The following ME2 variants were observed in gnomAD, a reference collection of about 807,000 sequenced individuals.
ME2 encodes the protein malic enzyme 2.
In ME2, 60 loss-of-function variants were observed where a neutral mutation model predicts 73.7. The ratio of observed to expected loss-of-function variants is 0.81; its 90% confidence interval spans 0.66 to 1.01. The LOEUF is 1.01. Ranked by LOEUF, ME2 falls within the 50% of genes least tolerant of loss-of-function variation. The pLI is 0.00. For missense variants in ME2, 594 were observed against 705.5 expected, an observed-to-expected ratio of 0.84 and a Z score of 1.79; for synonymous variants, 199 against 236.9, an observed-to-expected ratio of 0.84 and a Z score of 1.47.
At chr18:50,886,003 A>C (rs1009071619) in intron 1 of ME2, among the ~76,000 whole-genome samples, 6 of 152,174 alleles carry the variant, frequency 3.9e-5, no homozygotes, top group Admixed American at 6.5e-5. Flanking sequence ...AGTTTGCTCA[A>C]AGCAGGCTCT....
Position 50,936,049 on chromosome 18 carries a change from T to C in ME2, c.1418-3521T>C, listed in dbSNP as rs934226583. On this transcript the variant is annotated intron_variant, in intron 13 of 15. Transcript: ENST00000321341. Reference sequence around the variant, plus strand: ...CTCACAGAAACCCATGTGGGATGCATAAAAAGAAATCTACATCTAGGAACA... The same window carrying C: ...CTCACAGAAACCCATGTGGGATGCACAAAAAGAAATCTACATCTAGGAACA... Among the ~76,000 whole-genome samples, 289 of 151,786 alleles carry C rather than the reference T, an allele frequency of 1.9e-3. 2 individuals are homozygous for C. Among genetic ancestry groups the C allele is most frequent in the Non-Finnish European group, 3.4e-4 (23 of 67,928 alleles).
intron 1 of ME2, among the ~76,000 whole-genome samples, chr18:50,882,324 G>A (rs1268276047): frequency 6.6e-6 from 1 of 152,142 alleles, no homozygotes; most frequent in East Asian, 1.9e-4. Context: ...TCCAGAACTT[G>A]CCCTTTGACC....
intron 1 of ME2, among the ~76,000 whole-genome samples, chr18:50,880,453 A>G (rs1314052319): frequency 6.6e-6 from 1 of 152,184 alleles, no homozygotes; most frequent in East Asian, 1.9e-4. Flanking sequence ...CAATTTACAA[A>G]TACTCTGTAA....
chr18:50,924,248 C>A, intron 11 of ME2, 36 bp downstream of exon 11: 1 of 1,375,154 alleles, frequency 7.3e-7, no homozygotes, highest in Non-Finnish European at 1.0e-6. Flanking sequence ...ATTTTACTCC[C>A]TAACTGTATG....
chr18:50,939,454 T>TG, intron 13 of ME2, 116 bp from the exon 14 acceptor site: 1 of 607,572 alleles, frequency 1.6e-6, no homozygotes, highest in Non-Finnish European at 3.0e-6. Flanking sequence ...GTTTTCTGTT[T>TG]GGGGGGAGCT....
intron 12 of ME2, among the ~76,000 whole-genome samples, chr18:50,931,249 T>C (rs1053653174): frequency 6.6e-6 from 1 of 152,254 alleles, no homozygotes; most frequent in Non-Finnish European, 1.5e-5. Context: ...TAACAAGGCA[T>C]CAGGCCATTT....
At chr18:50,941,349 G>GTTTTTTTT (rs1568176416) in intron 15 of ME2, among the ~76,000 whole-genome samples, 5 of 105,308 alleles carry the variant, frequency 4.7e-5, no homozygotes, top group African/African-American at 8.8e-5. Context: ...ATTTGTGATG[G>GTTTTTTTT]TTTCTTTTTT....
chr18:50,932,313 G>C lies in ME2; in HGVS notation c.1370G>C (p.Gly457Ala), dbSNP rs1917712564. ...SPFGPVKLTD[G>A]RVFTPGQGNN... Reference sequence around the variant, plus strand: ...TTTGGGCCAGTGAAACTTACAGATGGGCGAGTCTTTACACCAGGTCAAGGA... The same window carrying C: ...TTTGGGCCAGTGAAACTTACAGATGCGCGAGTCTTTACACCAGGTCAAGGA... Residue 457 changes from glycine to alanine, a missense_variant, in exon 13 of 16, where the codon GGG becomes GCG. Gly to Ala is a moderately conservative substitution (Grantham distance 60, BLOSUM62 0). Transcript: ENST00000321341. 2.5e-6 allele frequency: 4 copies of C among 1,612,918 alleles called. No individual in the cohort carries two copies. The highest frequency in any genetic ancestry group is 3.4e-6 in the Non-Finnish European group (4 of 1,179,384).
chr18:50,928,269 GA>G (rs1331768713), intron 12 of ME2, among the ~76,000 whole-genome samples: 1 of 139,114 alleles, frequency 7.2e-6, no homozygotes, highest in Admixed American at 7.3e-5. Context: ...TTTTTGAGAT[GA>G]AGCGTCACTG....
intron 3 of ME2, among the ~76,000 whole-genome samples, chr18:50,910,397 C>T (rs1004151333): frequency 1.3e-5 from 2 of 148,834 alleles, no homozygotes; most frequent in Non-Finnish European, 3.0e-5. Context: ...CATGATTGCA[C>T]CACTGCACTC....
At chr18:50,885,707 A>T (rs187045736) in intron 1 of ME2, among the ~76,000 whole-genome samples, 1 of 152,184 alleles carries the variant, frequency 6.6e-6, no homozygotes, top group African/African-American at 2.4e-5. Flanking sequence ...GCTATAATTA[A>T]CATTATTATT....
chr18:50,904,742 G>A (rs1057452773), intron 2 of ME2, among the ~76,000 whole-genome samples: 3 of 151,998 alleles, frequency 2.0e-5, no homozygotes, highest in African/African-American at 7.2e-5. Context: ...AGAGAAGTAT[G>A]GTAATGCATT....
chr18:50,943,288 AATTTATTTATTT>A (rs201417906), intron 15 of ME2, among the ~76,000 whole-genome samples: 4 of 151,494 alleles, frequency 2.6e-5, no homozygotes, highest in East Asian at 1.9e-4. Flanking sequence ...TTGACTATTA[AATTTATTTATTT>A]ATTTATTTAT....
rs911241299 is a variant in ME2, at chr18:50,918,287, T to C, written c.734+74T>C. The C allele has an allele frequency of 2.5e-5, 23 of 920,284 alleles. No homozygotes were observed. In the African/African-American group the frequency reaches 3.4e-4, roughly 13 times the overall value. The allele number at this position is 920,284 out of a possible 1,614,324, so 57.0% of individuals were successfully genotyped here. On this transcript the variant is annotated intron_variant, in intron 7 of 15. Coordinates refer to ENST00000321341, the MANE Select transcript of ME2 (RefSeq NM_002396.5). ...TGGGGTAAGAACCAAAGTTTTGTTTTGTTTTCCTTTATTTCTTTCCTGTGT... is the reference window on the plus strand; with the variant it reads ...TGGGGTAAGAACCAAAGTTTTGTTTCGTTTTCCTTTATTTCTTTCCTGTGT...
chr18:50,884,584 G>A (rs1916409634), intron 1 of ME2, among the ~76,000 whole-genome samples: 1 of 152,180 alleles, frequency 6.6e-6, no homozygotes, highest in Non-Finnish European at 1.5e-5. Context: ...TTGACGTCAT[G>A]TTCCACCTGC....
At chr18:50,905,118 C>G (rs1197436716) in intron 2 of ME2, among the ~76,000 whole-genome samples, 2 of 152,094 alleles carry the variant, frequency 1.3e-5, no homozygotes, top group Non-Finnish European at 2.9e-5. Context: ...TCTCGAGTAG[C>G]TGGGACTACA....
At chr18:50,883,725 A>G (rs752822091) in intron 1 of ME2, among the ~76,000 whole-genome samples, 32 of 152,118 alleles carry the variant, frequency 2.1e-4, no homozygotes, top group Admixed American at 3.9e-4. Flanking sequence ...GTAAACGGGC[A>G]TGGTGGTGGG....
chr18:50,907,973 C>A (rs892935700), intron 2 of ME2, 90 bp from the exon 3 acceptor site: 39 of 1,016,566 alleles, frequency 3.8e-5, no homozygotes, highest in Admixed American at 5.6e-5. Flanking sequence ...ATTGATTTTT[C>A]AAATTTGCAT....
chr18:50,925,147 A>G (rs1917519221), intron 11 of ME2, among the ~76,000 whole-genome samples: 1 of 152,144 alleles, frequency 6.6e-6, no homozygotes, highest in Admixed American at 6.5e-5. Flanking sequence ...AGCAAGTTTT[A>G]TCTTCCCAAT....
Sources: allele counts gnomAD v4.1 joint callset (sites outside exome capture counted in the v4.1 genomes callset), GRCh38; gene constraint gnomAD v4.1.1; transcripts MANE v1.5; gene names NCBI Gene and HGNC (gene_info 2026-07-23, HGNC 2026-07-21).